DEPDC4: variants seen among roughly 807,000 people sequenced by gnomAD.
DEPDC4 encodes the protein DEP domain containing 4.
In DEPDC4, 52 loss-of-function variants were observed where a neutral mutation model predicts 52.0. The ratio of observed to expected loss-of-function variants is 1.00; its 90% CI spans 0.80 to 1.26. The LOEUF is 1.26. DEPDC4 is among the 50% of genes most tolerant of loss of function. DEPDC4 has a pLI of 0.00. For synonymous variants in DEPDC4, 201 were observed against 196.8 expected (o/e 1.02, Z -0.18); for missense variants, 530 against 546.9 (o/e 0.97, Z 0.31).
At chr12:100,235,277 C>T (rs1312135961), downstream of DEPDC4, among the ~76,000 whole-genome samples, 1 of 151,566 alleles carries the variant, frequency 6.6e-6, no homozygotes. Flanking sequence ...AGTATTTTCC[C>T]TTTTAACCCA....
chr12:100,266,993 C>T lies in DEPDC4; in HGVS notation c.84G>A (p.Glu28=). Residue 28 remains glutamate (E), a synonymous_variant, in exon 1 of 10, where the codon GAG becomes GAA. Transcript: ENST00000550587. ...GCCCGTTCAGCCCTGGGCCCGGAAGCTCGTTCTGACTGACAAGTCTACGGA... is the reference window on the plus strand; with the variant it reads ...GCCCGTTCAGCCCTGGGCCCGGAAGTTCGTTCTGACTGACAAGTCTACGGA... The part of the protein sequence containing the change: ...PRFRRLVSQN[E]LPGPGLNGPS... 2 of 1,614,156 alleles carry T rather than the reference C, an allele frequency of 1.2e-6. No homozygotes were observed. The highest frequency in any genetic ancestry group is 2.2e-5 in the East Asian group (1 of 44,876).
In DEPDC4 at chr12:100,251,572, AT is replaced by A. The variant is rs556127084; in HGVS notation, c.1374+603del. On this transcript the variant is annotated intron_variant, in intron 7 of 9. Coordinates refer to ENST00000550587, the MANE Select transcript of DEPDC4 (RefSeq NM_001364818.2). ...ACAGGTGTGTGCCACCACCCCTGGCATTTTTTTTTTTTTGAGGCGGAATCTT... is the reference window on the plus strand; with the variant it reads ...ACAGGTGTGTGCCACCACCCCTGGCATTTTTTTTTTTTGAGGCGGAATCTT... Among the ~76,000 whole-genome samples, 169 of 140,144 alleles carry A rather than the reference AT, an allele frequency of 1.2e-3. 1 individual carries two copies. The highest frequency in any genetic ancestry group is 1.5e-3 in the East Asian group (7 of 4,820). 91.9% of individuals were successfully genotyped at this position (140,144 alleles called of 152,430 possible).
At chr12:100,251,214 C>A (rs1432809605) in intron 7 of DEPDC4, among the ~76,000 whole-genome samples, 1 of 151,944 alleles carries the variant, frequency 6.6e-6, no homozygotes, top group Admixed American at 6.6e-5. Context: ...GGGTTAAAGG[C>A]ATGTATCACT....
chr12:100,264,503 A>T (rs2096264847), intron 1 of DEPDC4, among the ~76,000 whole-genome samples: 1 of 151,892 alleles, frequency 6.6e-6, no homozygotes, highest in African/African-American at 2.4e-5. Flanking sequence ...ACATGACGAG[A>T]CTCCACCTCT....
chr12:100,266,965 T>A lies in DEPDC4; in HGVS notation c.112A>T (p.Ser38Cys), dbSNP rs752407067. Residue 38 changes from serine to cysteine, a missense_variant, in exon 1 of 10, where the codon AGT (serine) becomes TGT (cysteine). By Grantham distance (112) the Ser-to-Cys change is moderately radical. Coordinates refer to ENST00000550587, the MANE Select transcript of DEPDC4 (RefSeq NM_001364818.2). ...ELPGPGLNGP[S>C]SRNRRDGFCR... Reference sequence around the variant, plus strand: ...AAGCCATCTCTACGGTTCCTGGAACTTGGCCCGTTCAGCCCTGGGCCCGGA... The same window carrying A: ...AAGCCATCTCTACGGTTCCTGGAACATGGCCCGTTCAGCCCTGGGCCCGGA... The A allele has an allele frequency of 3.1e-6, 5 of 1,613,926 alleles. No homozygotes were observed. The highest frequency in any genetic ancestry group is 4.2e-6 in the Non-Finnish European group (5 of 1,179,958).
At chr12:100,246,961 T>C (rs2096188169) in intron 8 of DEPDC4, among the ~76,000 whole-genome samples, 1 of 150,898 alleles carries the variant, frequency 6.6e-6, no homozygotes, top group Admixed American at 6.6e-5. Flanking sequence ...GCAAAGAAAA[T>C]AAATTTCAAG....
intron 1 of DEPDC4, among the ~76,000 whole-genome samples, chr12:100,264,929 T>G (rs2096266235): frequency 6.6e-6 from 1 of 151,894 alleles, no homozygotes. Flanking sequence ...ACTCTCCAAA[T>G]AACAGAAATC....
downstream of DEPDC4, among the ~76,000 whole-genome samples, chr12:100,237,626 C>A (rs12231957): frequency 6.6e-6 from 1 of 152,176 alleles, no homozygotes; most frequent in African/African-American, 2.4e-5. Flanking sequence ...TTCTCCCTCA[C>A]GAACCCACTA....
chr12:100,253,484 C>T lies in DEPDC4; in HGVS notation c.1105+5G>A. The T allele has an allele frequency of 1.7e-6, 2 of 1,208,510 alleles. No homozygotes were observed. The highest frequency in any genetic ancestry group is 1.1e-6 in the Non-Finnish European group (1 of 921,156). 74.9% of individuals were successfully genotyped at this position (1,208,510 alleles called of 1,614,324 possible). ...AAAAATTAAAATATAAACATCCTAT[C>T]TTACCTAAAAGTTCAATAATTCCTG... On this transcript the variant is annotated splice_donor_5th_base_variant and intron_variant, in intron 5 of 9. Coordinates refer to ENST00000550587, the MANE Select transcript of DEPDC4 (RefSeq NM_001364818.2).
In DEPDC4 at chr12:100,241,741, T is replaced by G; in HGVS notation, c.*151A>C. On this transcript the variant is annotated 3_prime_UTR_variant, in exon 10 of 10. Transcript: ENST00000550587. Reference sequence around the variant, plus strand: ...TTCTTTTTTCGTTTCAGAGAGATGCTGGGGTTACTATTAATCTCAAGAGCC... The same window carrying G: ...TTCTTTTTTCGTTTCAGAGAGATGCGGGGGTTACTATTAATCTCAAGAGCC... The G allele has an allele frequency of 1.6e-6, 2 of 1,274,848 alleles. No individual in the cohort carries two copies. Among genetic ancestry groups the G allele is most frequent in the Non-Finnish European group, 2.0e-6 (2 of 982,136 alleles). 79.0% of individuals were successfully genotyped at this position (1,274,848 alleles called of 1,614,324 possible).
chr12:100,273,855 A>G, the DEPDC4 span, among the ~76,000 whole-genome samples: 1 of 152,208 alleles, frequency 6.6e-6, no homozygotes. Context: ...GAGTCCCTAA[A>G]AAGAAGAACC....
At chr12:100,280,316 A>G in the DEPDC4 span, among the ~76,000 whole-genome samples, 1 of 152,248 alleles carries the variant, frequency 6.6e-6, no homozygotes, top group African/African-American at 2.4e-5. Context: ...TTGTAATAAC[A>G]TTTTCATAAC....
chr12:100,251,352 T>C (rs987637524), intron 7 of DEPDC4, among the ~76,000 whole-genome samples: 1 of 151,030 alleles, frequency 6.6e-6, no homozygotes, highest in Admixed American at 6.6e-5. Flanking sequence ...ATAGTGAGGC[T>C]AAAAAAAAAC....
At chr12:100,233,519 T>C (rs375096080) in intron 9 of DEPDC4, among the ~76,000 whole-genome samples, 6 of 152,360 alleles carry the variant, frequency 3.9e-5, no homozygotes, top group African/African-American at 1.2e-4. Context: ...GTCATGTTTA[T>C]GTTCTTTGTA....
the DEPDC4 span, among the ~76,000 whole-genome samples, chr12:100,279,692 A>G: frequency 2.5e-4 from 38 of 152,322 alleles, 1 homozygote; most frequent in South Asian, 3.9e-3. Flanking sequence ...CTATTAAGGC[A>G]TGGTTCTTAC....
upstream of DEPDC4, among the ~76,000 whole-genome samples, chr12:100,270,727 G>GGC (rs2096286748): frequency 1.3e-5 from 2 of 150,748 alleles, no homozygotes; most frequent in South Asian, 4.2e-4. Context: ...CTCCTGCCTT[G>GGC]GCCTCCCAAA....
intron 8 of DEPDC4, among the ~76,000 whole-genome samples, chr12:100,242,805 G>A (rs1185825358): frequency 1.3e-5 from 2 of 152,130 alleles, no homozygotes; most frequent in African/African-American, 4.8e-5. Context: ...GAACACTTGA[G>A]CCACTGCTTC....
the DEPDC4 span, among the ~76,000 whole-genome samples, chr12:100,281,019 G>GTTTTGTTTTTT: frequency 7.9e-5 from 4 of 50,492 alleles, no homozygotes; most frequent in African/African-American, 2.8e-4. Flanking sequence ...TACCATCAGT[G>GTTTTGTTTTTT]TTTTTTTTTT....
At chr12:100,264,112 G>A (rs2096263684) in intron 1 of DEPDC4, among the ~76,000 whole-genome samples, 1 of 152,162 alleles carries the variant, frequency 6.6e-6, no homozygotes, top group Non-Finnish European at 1.5e-5. Flanking sequence ...TTGCTTTACT[G>A]ATGTGAAATA....
Sources: allele counts gnomAD v4.1 joint callset (sites outside exome capture counted in the v4.1 genomes callset), GRCh38; gene constraint gnomAD v4.1.1; transcripts MANE v1.5; gene names NCBI Gene and HGNC (gene_info 2026-07-23, HGNC 2026-07-21).